AKAP13: variants seen among roughly 807,000 people sequenced by gnomAD.
AKAP13 encodes A-kinase anchoring protein 13, also known as A-kinase anchor protein 13.
A neutral mutation model predicts 264.5 loss-of-function variants in AKAP13; 80 were observed. The ratio of observed to expected loss-of-function variants is 0.30; its 90% CI spans 0.25 to 0.36. AKAP13 has a LOEUF of 0.36. Ranked by LOEUF, AKAP13 falls within the 10% of genes least tolerant of loss-of-function variation. The probability of loss-of-function intolerance (pLI) is 1.00; values close to 1 mark genes in which losing one functional copy is unlikely to be tolerated. For missense variants in AKAP13, 3,712 were observed against 3,435.2 expected, an observed-to-expected ratio of 1.08 and a Z score of -2.01; for synonymous variants, 1,380 against 1,250.2, an observed-to-expected ratio of 1.10 and a Z score of -2.19.
intron 10 of AKAP13, 99 bp downstream of exon 10, chr15:85,646,053 T>A: frequency 6.9e-7 from 1 of 1,452,098 alleles, no homozygotes; most frequent in Non-Finnish European, 9.2e-7. Flanking sequence ...TCTTGTGCTC[T>A]CCTGTTTCCC....
At chr15:85,567,941 G>GGGGT (rs370286691) in intron 5 of AKAP13, among the ~76,000 whole-genome samples, 3 of 141,828 alleles carry the variant, frequency 2.1e-5, no homozygotes, top group African/African-American at 7.9e-5. Flanking sequence ...AGCCCAAAGA[G>GGGGT]GTGTGTGTGT....
chr15:85,612,593 G>A (rs1190815405), intron 8 of AKAP13, among the ~76,000 whole-genome samples: 2 of 151,996 alleles, frequency 1.3e-5, no homozygotes, highest in African/African-American at 2.4e-5. Flanking sequence ...AGGCCGAGGC[G>A]GGTGGATCAT....
At chr15:85,660,668 T>C (rs1357595389) in intron 12 of AKAP13, among the ~76,000 whole-genome samples, 3 of 152,208 alleles carry the variant, frequency 2.0e-5, no homozygotes, top group African/African-American at 4.8e-5. Context: ...CTGAGTCTTA[T>C]CTGTGTTTGT....
At chr15:85,453,533 G>T (rs762764775) in intron 1 of AKAP13, among the ~76,000 whole-genome samples, 8 of 152,216 alleles carry the variant, frequency 5.3e-5, no homozygotes, top group Non-Finnish European at 1.0e-4. Context: ...ACCTGTTGCT[G>T]GTCCAAAGGC....
intron 2 of AKAP13, chr15:85,520,748 C>T (rs1019309159): frequency 1.9e-6 from 1 of 517,854 alleles, no homozygotes; most frequent in Non-Finnish European, 3.9e-6. Flanking sequence ...AGGAGCTTTC[C>T]TATACAGTCA....
At chr15:85,514,283 T>G (rs1282244815) in intron 2 of AKAP13, among the ~76,000 whole-genome samples, 6 of 138,412 alleles carry the variant, frequency 4.3e-5, no homozygotes, top group Admixed American at 7.3e-5. Context: ...GTTATTAATA[T>G]GGACTCATGA....
chr15:85,566,383 G>A (rs1480237299), intron 5 of AKAP13, among the ~76,000 whole-genome samples: 1 of 152,038 alleles, frequency 6.6e-6, no homozygotes, highest in Non-Finnish European at 1.5e-5. Context: ...CTGCTTTTTT[G>A]CATCTATGAA....
At chr15:85,665,883 T>C (rs1596977446) in intron 13 of AKAP13, among the ~76,000 whole-genome samples, 1 of 152,242 alleles carries the variant, frequency 6.6e-6, no homozygotes, top group African/African-American at 2.4e-5. Context: ...GGCTACATAG[T>C]ATTCCATGGT....
intron 33 of AKAP13, among the ~76,000 whole-genome samples, chr15:85,737,290 C>G (rs559155791): frequency 3.3e-5 from 5 of 152,272 alleles, no homozygotes; most frequent in Admixed American, 6.5e-5. Flanking sequence ...TGGTGTCCTT[C>G]TGGAAGGATG....
chr15:85,567,980 G>GTA (rs1555445391), intron 5 of AKAP13, among the ~76,000 whole-genome samples: 2 of 147,068 alleles, frequency 1.4e-5, no homozygotes, highest in African/African-American at 5.0e-5. Context: ...GTGTGTGTGT[G>GTA]TATTTTTTAA....
chr15:85,710,705 A>C, intron 19 of AKAP13, 60 bp downstream of exon 19: 1 of 1,559,032 alleles, frequency 6.4e-7, no homozygotes, highest in South Asian at 1.2e-5. Context: ...GAATGTAAAA[A>C]TGCTGTTGTA....
intron 14 of AKAP13, among the ~76,000 whole-genome samples, chr15:85,671,496 C>CT (rs1417077403): frequency 5.7e-5 from 8 of 141,576 alleles, no homozygotes; most frequent in African/African-American, 1.8e-4. Context: ...ATTCTGTTAA[C>CT]TTTTTTCTTG....
chr15:85,654,361 T>C (rs1331586926), intron 10 of AKAP13, among the ~76,000 whole-genome samples: 2 of 152,228 alleles, frequency 1.3e-5, no homozygotes, highest in African/African-American at 2.4e-5. Flanking sequence ...ATTATTATTG[T>C]AGCCAAGCAG....
chr15:85,643,463 C>T (rs968442093), intron 9 of AKAP13, among the ~76,000 whole-genome samples: 1 of 152,152 alleles, frequency 6.6e-6, no homozygotes, highest in East Asian at 1.9e-4. Context: ...AATTACTTAA[C>T]TGTTAATTAG....
At chr15:85,598,938 G>T (rs1306635832) in intron 8 of AKAP13, among the ~76,000 whole-genome samples, 2 of 152,174 alleles carry the variant, frequency 1.3e-5, no homozygotes, top group African/African-American at 4.8e-5. Flanking sequence ...TCCAGAAAGT[G>T]ATGCGTGTAT....
intron 5 of AKAP13, among the ~76,000 whole-genome samples, chr15:85,561,852 A>G (rs2078391334): frequency 6.6e-6 from 1 of 152,250 alleles, no homozygotes. Context: ...ACCCATATCC[A>G]TAGTACGCAA....
intron 16 of AKAP13, among the ~76,000 whole-genome samples, chr15:85,692,552 C>T (rs1017904083): frequency 3.3e-5 from 5 of 152,010 alleles, no homozygotes; most frequent in African/African-American, 9.7e-5. Flanking sequence ...GTACCTGAAT[C>T]TGAACCGAGG....
intron 5 of AKAP13, among the ~76,000 whole-genome samples, chr15:85,546,308 ATTG>A (rs745341717): frequency 2.2e-5 from 3 of 138,854 alleles, no homozygotes; most frequent in South Asian, 2.3e-4. Context: ...AATTTATATA[ATTG>A]TTGTTACCAA....
At chr15:85,552,910 C>T in intron 5 of AKAP13, among the ~76,000 whole-genome samples, 1 of 152,010 alleles carries the variant, frequency 6.6e-6, no homozygotes, top group Non-Finnish European at 1.5e-5. Flanking sequence ...ACATTCTGCT[C>T]TTAATTTTAT....
Sources: gnomAD v4.1 joint callset for allele counts (sites outside exome capture counted in the v4.1 genomes callset) on GRCh38, gnomAD v4.1.1 for gene constraint, MANE v1.5 for transcripts, NCBI Gene and HGNC (gene_info 2026-07-23, HGNC 2026-07-21) for gene names.